The following CACNA1C variants were observed in gnomAD, a reference collection of about 807,000 sequenced individuals.
The protein encoded by CACNA1C is calcium voltage-gated channel subunit alpha1 C, also known as voltage-dependent L-type calcium channel subunit alpha-1C.
CACNA1C carries 30 observed loss-of-function variants against 229.0 expected under a neutral mutation model. The ratio of observed to expected loss-of-function variants is 0.13; its 90% CI spans 0.10 to 0.18. The LOEUF (loss-of-function observed/expected upper bound fraction) is 0.18. CACNA1C is among the 10% of genes least tolerant of loss of function. The pLI, the probability that CACNA1C is intolerant of heterozygous loss-of-function variation, is 1.00. For synonymous variants in CACNA1C, 1,114 were observed against 1,132.5 expected (o/e 0.98, Z 0.33); for missense variants, 1,658 against 2,845.0 (o/e 0.58, Z 9.49).
chr12:2,097,361 T>C (rs2074571775), intron 1 of CACNA1C, among the ~76,000 whole-genome samples: 1 of 152,042 alleles, frequency 6.6e-6, no homozygotes, highest in Admixed American at 6.5e-5. Flanking sequence ...TTAGCCAGGA[T>C]AGTCTCGATC....
At chr12:2,243,052 A>G (rs747787050) in intron 3 of CACNA1C, among the ~76,000 whole-genome samples, 1 of 152,116 alleles carries the variant, frequency 6.6e-6, no homozygotes, top group Non-Finnish European at 1.5e-5. Flanking sequence ...GAACTTTTGG[A>G]TAGAATGAGA....
chr12:1,990,414 C>T (rs2039060138), intron 1 of CACNA1C, among the ~76,000 whole-genome samples: 1 of 152,138 alleles, frequency 6.6e-6, no homozygotes, highest in African/African-American at 2.4e-5. Flanking sequence ...ATAAAGTAAT[C>T]TATTTTGTGT....
chr12:2,002,943 T>A (rs2042520490), intron 1 of CACNA1C, among the ~76,000 whole-genome samples: 1 of 152,098 alleles, frequency 6.6e-6, no homozygotes, highest in African/African-American at 2.4e-5. Context: ...GGTGACAAAT[T>A]CCCCTGGAAA....
rs1336911960 is a variant in CACNA1C, at chr12:1,985,977, A to AT, written c.139+14780dup. On this transcript the variant is annotated intron_variant, in intron 1 of 46. Transcript: ENST00000682462. ...AGGTGCCTGCCACCACACTTGGCTA[A>AT]TTTTGTTTTGTATTTTTAGTAGAGA... is the stretch of plus-strand genomic sequence containing the variant. Among the ~76,000 whole-genome samples the AT allele has an allele frequency of 1.6e-3, 240 of 151,810 alleles. 1 individual carries two copies. Among genetic ancestry groups the AT allele is most frequent in the African/African-American group, 5.5e-3 (226 of 41,356 alleles).
chr12:2,119,918 C>CG (rs1245185548), intron 2 of CACNA1C, among the ~76,000 whole-genome samples: 3 of 152,276 alleles, frequency 2.0e-5, no homozygotes, highest in Non-Finnish European at 4.4e-5. Flanking sequence ...CCATGTCCCC[C>CG]GTTCCAGGTG....
chr12:2,633,245 G>A lies in CACNA1C; in HGVS notation c.3829-1052G>A, dbSNP rs2091332227. Among the ~76,000 whole-genome samples the A allele has an allele frequency of 6.6e-6, 1 of 152,178 alleles. No individual in the cohort carries two copies. The highest frequency in any genetic ancestry group is 2.1e-4 in the South Asian group (1 of 4,822). Reference sequence around the variant, plus strand: ...CTTCTGCTGGAAGAGGACTGGGGGTGCAGGAGATGCTCAGCGTGGACTGAG... The same window carrying A: ...CTTCTGCTGGAAGAGGACTGGGGGTACAGGAGATGCTCAGCGTGGACTGAG... On this transcript the variant is annotated intron_variant, in intron 29 of 46. Transcript: ENST00000399655. This position sits in a 1 kb window ranked among gnomAD's most constrained non-coding sequence, Gnocchi z 5.8.
chr12:2,138,052 T>C (rs900512641), intron 3 of CACNA1C, among the ~76,000 whole-genome samples: 1 of 151,558 alleles, frequency 6.6e-6, no homozygotes, highest in African/African-American at 2.4e-5. Context: ...GGTGCTGTCC[T>C]GTGACTTGCA....
At chr12:2,494,764 C>G (rs1336155549) in intron 7 of CACNA1C, among the ~76,000 whole-genome samples, 1 of 152,212 alleles carries the variant, frequency 6.6e-6, no homozygotes, top group Admixed American at 6.5e-5. Flanking sequence ...GATTCAGAAT[C>G]CCTCTTTCTC....
At chr12:2,277,851 T>C (rs2089492436) in intron 3 of CACNA1C, among the ~76,000 whole-genome samples, 1 of 152,240 alleles carries the variant, frequency 6.6e-6, no homozygotes, top group Non-Finnish European at 1.5e-5. Flanking sequence ...TTACTGGACC[T>C]GATTCTGTTA....
intron 30 of CACNA1C, among the ~76,000 whole-genome samples, chr12:2,641,295 A>G (rs1019390427): frequency 6.6e-6 from 1 of 152,238 alleles, no homozygotes; most frequent in Non-Finnish European, 1.5e-5. Flanking sequence ...GGCCAGAGGC[A>G]GGAAACAGCT....
rs538539596 is a variant in CACNA1C, at chr12:2,393,559, G to A, written c.478-55417G>A. ...GCTATATAGCTGAGGGCAAGCCATA[G>A]AACTTCTCCGAGCCTCTGTTTCTAG... is the stretch of plus-strand genomic sequence containing the variant. On this transcript the variant is annotated intron_variant, in intron 3 of 46. Transcript: ENST00000399655. Among the ~76,000 whole-genome samples the A allele has an allele frequency of 2.3e-4, 35 of 152,332 alleles. 2 individuals are homozygous for A. The highest frequency in any genetic ancestry group is 6.5e-4 in the Admixed American group (10 of 15,310).
At chr12:2,650,671 C>T (rs931602457) in intron 31 of CACNA1C, among the ~76,000 whole-genome samples, 7 of 152,154 alleles carry the variant, frequency 4.6e-5, no homozygotes, top group Admixed American at 6.5e-5. Context: ...GCCCGTCCTG[C>T]CCCCTGAGCC....
At chr12:2,174,003 A>G (rs909903260) in intron 3 of CACNA1C, among the ~76,000 whole-genome samples, 1 of 152,112 alleles carries the variant, frequency 6.6e-6, no homozygotes, top group Admixed American at 6.5e-5. Flanking sequence ...TCAGCAGCAG[A>G]CATCAAAGGG....
chr12:2,038,135 A>C (rs903922610), intron 1 of CACNA1C, among the ~76,000 whole-genome samples: 6 of 152,238 alleles, frequency 3.9e-5, no homozygotes, highest in African/African-American at 1.4e-4. Context: ...GGTCCCTGAC[A>C]TACTGGAGAA....
intron 9 of CACNA1C, among the ~76,000 whole-genome samples, chr12:2,518,540 G>A (rs554386530): frequency 5.3e-5 from 8 of 151,626 alleles, no homozygotes; most frequent in African/African-American, 1.9e-4. Context: ...CCCAGGAGGC[G>A]GAGCTTGCAG....
chr12:2,485,559 G>T (rs1473661355), intron 5 of CACNA1C, among the ~76,000 whole-genome samples: 1 of 152,052 alleles, frequency 6.6e-6, no homozygotes, highest in Non-Finnish European at 1.5e-5. Context: ...TTCTTTTCTT[G>T]TGGTAATAAG....
chr12:2,488,966 G>A lies in CACNA1C; in HGVS notation c.916+2704G>A, dbSNP rs1303979806. 6.6e-6 allele frequency among the ~76,000 whole-genome samples: 1 copy of A among 152,240 alleles called. No homozygotes were observed. The highest frequency in any genetic ancestry group is 1.5e-5 in the Non-Finnish European group (1 of 68,038). On this transcript the variant is annotated intron_variant, in intron 6 of 46. Coordinates refer to ENST00000399655, the MANE Select transcript of CACNA1C (RefSeq NM_000719.7). This position sits in a 1 kb window ranked among gnomAD's most constrained non-coding sequence, Gnocchi z 4.0. ...CCACAGAGTGGGCAGTGCAGACAAGGAGGGAAAATACGCGAGAACCCAGAC... is the reference window on the plus strand; with the variant it reads ...CCACAGAGTGGGCAGTGCAGACAAGAAGGGAAAATACGCGAGAACCCAGAC...
rs538243991 is a variant in CACNA1C at position 2,521,812 on chromosome 12, G to A, written c.1390+8828G>A. ...CCCTGCCTTCCAGCCCCGTTCCCACGCAACCTGTGTAATGCAGCCAAGTTC... is the reference window on the plus strand; with the variant it reads ...CCCTGCCTTCCAGCCCCGTTCCCACACAACCTGTGTAATGCAGCCAAGTTC... On this transcript the variant is annotated intron_variant, in intron 9 of 46. Transcript: ENST00000399655. 3.4e-4 allele frequency among the ~76,000 whole-genome samples: 52 copies of A among 152,146 alleles called. No individual in the cohort carries two copies. In the South Asian group the frequency reaches 8.1e-3, roughly 24 times the overall value.
chr12:2,565,210 T>A (rs1375604576), intron 11 of CACNA1C, among the ~76,000 whole-genome samples: 1 of 152,108 alleles, frequency 6.6e-6, no homozygotes, highest in Non-Finnish European at 1.5e-5. Context: ...GGCTCACGCC[T>A]GTAATCCCAG....
Sources: allele counts gnomAD v4.1 joint callset (sites outside exome capture counted in the v4.1 genomes callset), GRCh38; gene constraint gnomAD v4.1.1; non-coding constraint Gnocchi (gnomAD v3.1); transcripts MANE v1.5; gene names NCBI Gene and HGNC (gene_info 2026-07-23, HGNC 2026-07-21).